SLC66A1: variants seen among roughly 807,000 people sequenced by gnomAD.
SLC66A1 encodes solute carrier family 66 member 1, also known as lysosomal amino acid transporter 1 homolog.
SLC66A1 carries 23 observed loss-of-function variants against 33.0 expected under a neutral mutation model. That is an observed-to-expected ratio of 0.70 (90% CI 0.50 to 0.99). SLC66A1 has a LOEUF of 0.99. SLC66A1 is among the 50% of genes least tolerant of loss of function. The pLI is 0.00. For missense variants in SLC66A1, 335 were observed against 383.6 expected, an observed-to-expected ratio of 0.87 and a Z score of 1.06; for synonymous variants, 164 against 175.5, an observed-to-expected ratio of 0.93 and a Z score of 0.52.
chr1:19,325,224 G>A (rs541468159), intron 3 of SLC66A1, among the ~76,000 whole-genome samples: 96 of 152,276 alleles, frequency 6.3e-4, no homozygotes, highest in African/African-American at 2.1e-3. Context: ...ACTTCACCGC[G>A]GAGTCCCACT....
chr1:19,320,624 C>T (rs533304339), intron 2 of SLC66A1, among the ~76,000 whole-genome samples: 32 of 151,762 alleles, frequency 2.1e-4, no homozygotes, highest in East Asian at 9.7e-4. Flanking sequence ...ACCGTGTTAG[C>T]CAGGATGGTC....
At chr1:19,314,392 C>A (rs74058544) in intron 1 of SLC66A1, among the ~76,000 whole-genome samples, 1,849 of 152,222 alleles carry the variant, frequency 0.012, 41 homozygotes, top group African/African-American at 0.042. Flanking sequence ...GAGAGAGAGG[C>A]CGCAGGGGCC....
At chr1:19,333,335 C>T (rs529636936), downstream of SLC66A1, among the ~76,000 whole-genome samples, 112 of 152,122 alleles carry the variant, frequency 7.4e-4, 1 homozygote, top group African/African-American at 2.3e-3. This position sits in a 1 kb window ranked among gnomAD's most constrained non-coding sequence, Gnocchi z 4.2. Flanking sequence ...AGTGCCACCA[C>T]GCCCAGCTAG....
chr1:19,327,106 C>T, intron 6 of SLC66A1, 121 bp from the exon 7 acceptor site: 1 of 1,039,978 alleles, frequency 9.6e-7, no homozygotes, highest in East Asian at 2.4e-5. Flanking sequence ...CCTGGGCACC[C>T]AGGGAAAGAT....
At position 19,324,665 on chromosome 1, in the gene SLC66A1, T is replaced by A; in HGVS notation, c.197T>A (p.Met66Lys). 1.2e-6 allele frequency: 2 copies of A among 1,614,208 alleles called. No homozygotes were observed. Among genetic ancestry groups the A allele is most frequent in the Non-Finnish European group, 1.7e-6 (2 of 1,180,002 alleles). ...ATCAAAGCCTACAAGACGGGCAACA[T>A]GGACCAGGCGCTGTCCCTGTGGTTC... ...QFIKAYKTGN[M>K]DQALSLWFLL... The change falls in exon 3 of 8, where the codon ATG becomes AAG. Residue 66 changes from methionine to lysine, a missense_variant. Transcript: ENST00000375153.
downstream of SLC66A1, among the ~76,000 whole-genome samples, chr1:19,333,923 C>T (rs1249854344): frequency 6.6e-6 from 1 of 151,590 alleles, no homozygotes. The surrounding 1 kb of genome is among the most constrained non-coding windows in gnomAD (Gnocchi z 4.2). Flanking sequence ...CAAAACAAAA[C>T]AAAACAAAAC....
chr1:19,332,737 C>T (rs111638867), downstream of SLC66A1, among the ~76,000 whole-genome samples: 3,160 of 152,308 alleles, frequency 0.021, 55 homozygotes, highest in Non-Finnish European at 0.033. Context: ...TTCCCTTTCT[C>T]CCTGGCTTAC....
Position 19,326,370 on chromosome 1 carries a change from G to T in SLC66A1, c.508G>T (p.Val170Leu). Residue 170 changes from valine (V) to leucine (L), a missense_variant, in exon 5 of 8, where the codon GTG becomes TTG. Val to Leu is a conservative substitution (Grantham distance 32, BLOSUM62 1). Coordinates refer to ENST00000375153, the MANE Select transcript of SLC66A1 (RefSeq NM_001040125.2). ...CTTCCGGGGGCGGGCGCTCCTGTCCGTGGAGTCGGGCAGCAAGGTGAGGCG... is the reference window on the plus strand; with the variant it reads ...CTTCCGGGGGCGGGCGCTCCTGTCCTTGGAGTCGGGCAGCAAGGTGAGGCG... The part of the protein sequence containing the change: ...EAFRGRALLS[V>L]ESGSKPFTRQ... 1.2e-6 allele frequency: 2 copies of T among 1,606,560 alleles called. No individual in the cohort carries two copies. The highest frequency in any genetic ancestry group is 1.7e-6 in the Non-Finnish European group (2 of 1,178,908).
downstream of SLC66A1, among the ~76,000 whole-genome samples, chr1:19,330,474 T>C (rs1399974766): frequency 6.6e-6 from 1 of 152,154 alleles, no homozygotes; most frequent in Admixed American, 6.6e-5. Flanking sequence ...TCCAAGGCCC[T>C]GCCTTCCAGG....
intron 6 of SLC66A1, among the ~76,000 whole-genome samples, chr1:19,327,001 C>T (rs905589431): frequency 6.6e-6 from 1 of 152,002 alleles, no homozygotes; most frequent in Admixed American, 6.5e-5. Flanking sequence ...GGCCACAGGC[C>T]TGGCACAGCC....
intron 1 of SLC66A1, among the ~76,000 whole-genome samples, chr1:19,315,467 G>A (rs912182531): frequency 2.6e-5 from 4 of 152,170 alleles, no homozygotes; most frequent in South Asian, 2.1e-4. Flanking sequence ...GAGGGTCTAC[G>A]GCTTCCTGAG....
chr1:19,327,795 C>T, intron 7 of SLC66A1: 1 of 376,048 alleles, frequency 2.7e-6, no homozygotes, highest in Non-Finnish European at 5.4e-6. Flanking sequence ...GCAAAGGCCC[C>T]TATAAGTCTC....
chr1:19,328,505 C>T lies in SLC66A1; in HGVS notation c.805-67C>T, dbSNP rs371518595. ...GGAGAGGGAGGCAGCTCCCAGGAGTCGAAGGCCCCCAGGGGCAGGTCCAAC... is the reference window on the plus strand; with the variant it reads ...GGAGAGGGAGGCAGCTCCCAGGAGTTGAAGGCCCCCAGGGGCAGGTCCAAC... On this transcript the variant is annotated intron_variant, in intron 7 of 7. Coordinates refer to ENST00000375153, the MANE Select transcript of SLC66A1 (RefSeq NM_001040125.2). The surrounding 1 kb of genome is among the most constrained non-coding windows in gnomAD (Gnocchi z 4.7). 372 of 1,472,302 alleles carry T rather than the reference C, an allele frequency of 2.5e-4. 3 individuals are homozygous for T. In the African/African-American group the frequency reaches 4.5e-3, roughly 18 times the overall value. The allele number at this position is 1,472,302 out of a possible 1,614,324, so 91.2% of individuals were successfully genotyped here.
chr1:19,317,909 C>G lies in SLC66A1; in HGVS notation c.164+68C>G, dbSNP rs1331109617. On this transcript the variant is annotated intron_variant, in intron 2 of 7. Transcript: ENST00000375153. ...GTTGAGGCAGTGGCTCCAGCTACTGCTCAGCGAGGGGTTGTCTGGTGGGCC... is the reference window on the plus strand; with the variant it reads ...GTTGAGGCAGTGGCTCCAGCTACTGGTCAGCGAGGGGTTGTCTGGTGGGCC... 5 of 1,563,296 alleles carry G rather than the reference C, an allele frequency of 3.2e-6. No homozygotes were observed. The South Asian group carries it at 3.6e-5, about 11-fold the overall frequency.
chr1:19,322,477 C>T (rs574652387), intron 2 of SLC66A1, among the ~76,000 whole-genome samples: 107 of 152,260 alleles, frequency 7.0e-4, no homozygotes, highest in African/African-American at 2.4e-3. Context: ...TTAGGAGGAG[C>T]TTTACTGTAA....
chr1:19,313,785 G>T (rs1399763924), intron 1 of SLC66A1, among the ~76,000 whole-genome samples: 4 of 152,230 alleles, frequency 2.6e-5, no homozygotes. Flanking sequence ...ACTTCATCCT[G>T]TAGACAAAGG....
rs377158607 is a variant in SLC66A1 at position 19,327,212 on chromosome 1, C to T, written c.619-15C>T. 1.2e-6 allele frequency: 2 copies of T among 1,609,174 alleles called. No individual in the cohort carries two copies. On this transcript the variant is annotated splice_polypyrimidine_tract_variant and intron_variant, in intron 6 of 7. Coordinates refer to ENST00000375153, the MANE Select transcript of SLC66A1 (RefSeq NM_001040125.2). ...GCCTGTTCGAGGTCTCTGACCTGAC[C>T]TCCTCCTGCCCCAGTTCCTCCGGAA...
In SLC66A1 at chr1:19,327,379, G is replaced by C. The variant is rs1033048889; in HGVS notation, c.771G>C (p.Val257=). 1 of 1,602,324 alleles carries C rather than the reference G, an allele frequency of 6.2e-7. No individual in the cohort carries two copies. Among genetic ancestry groups the C allele is most frequent in the Non-Finnish European group, 8.5e-7 (1 of 1,174,132 alleles). The change falls in exon 7 of 8, where the codon GTG becomes GTC. Residue 257 remains valine, a synonymous_variant. Coordinates refer to ENST00000375153, the MANE Select transcript of SLC66A1 (RefSeq NM_001040125.2). The part of the protein sequence containing the change: ...SYLLHHLPWL[V]GSLGVLLLDT... ...TGCTGCACCACCTGCCCTGGCTTGTGGGCAGCCTGGGCGTGCTGCTGCTCG... is the reference window on the plus strand; with the variant it reads ...TGCTGCACCACCTGCCCTGGCTTGTCGGCAGCCTGGGCGTGCTGCTGCTCG...
At chr1:19,324,529 C>A in intron 2 of SLC66A1, 104 bp from the exon 3 acceptor site, 1 of 1,423,488 alleles carries the variant, frequency 7.0e-7, no homozygotes. Context: ...TCTCCATCGC[C>A]GCCTCGATCC....
Sources: allele counts gnomAD v4.1 joint callset (sites outside exome capture counted in the v4.1 genomes callset), GRCh38; gene constraint gnomAD v4.1.1; non-coding constraint Gnocchi (gnomAD v3.1); transcripts MANE v1.5; gene names NCBI Gene and HGNC (gene_info 2026-07-23, HGNC 2026-07-21).